The following SNX13 variants were observed in gnomAD, a reference collection of about 807,000 sequenced individuals.
SNX13 encodes the protein sorting nexin 13.
In SNX13, 45 loss-of-function variants were observed where a neutral mutation model predicts 133.6. That is an observed-to-expected ratio of 0.34 (90% confidence interval 0.27 to 0.43). SNX13 has a LOEUF of 0.43. Among genes scored for constraint, SNX13 ranks in the 20% least tolerant of loss-of-function variants. SNX13 has a pLI of 1.00. For synonymous variants in SNX13, 414 were observed against 373.9 expected (o/e 1.11, Z -1.24); for missense variants, 1,032 against 1,145.1 (o/e 0.90, Z 1.43).
At chr7:17,801,234 T>C (rs1402019195) in intron 22 of SNX13, among the ~76,000 whole-genome samples, 1 of 151,188 alleles carries the variant, frequency 6.6e-6, no homozygotes, top group Non-Finnish European at 1.5e-5. Context: ...CAAAACCACA[T>C]GGAAGAACAT....
At chr7:17,935,823 T>TA (rs1801958441) in intron 1 of SNX13, among the ~76,000 whole-genome samples, 1 of 152,216 alleles carries the variant, frequency 6.6e-6, no homozygotes, top group African/African-American at 2.4e-5. Context: ...TTGCTTTGGT[T>TA]AGTAGCTCTT....
chr7:17,802,382 G>A (rs1235520034), intron 21 of SNX13, among the ~76,000 whole-genome samples: 1 of 152,048 alleles, frequency 6.6e-6, no homozygotes, highest in East Asian at 1.9e-4. Context: ...GATATAGTAT[G>A]TTAATATGTT....
intron 13 of SNX13, among the ~76,000 whole-genome samples, chr7:17,836,944 T>G (rs1467593284): frequency 6.6e-6 from 1 of 152,008 alleles, no homozygotes; most frequent in African/African-American, 2.4e-5. Context: ...ATATTTTTGC[T>G]TTTTCTGTTT....
chr7:17,877,326 T>C, intron 5 of SNX13, among the ~76,000 whole-genome samples: 1 of 152,136 alleles, frequency 6.6e-6, no homozygotes, highest in East Asian at 1.9e-4. Context: ...AGTCTCAACA[T>C]AAACCTAAAA....
At chr7:17,818,513 T>A (rs2128300427) in intron 18 of SNX13, among the ~76,000 whole-genome samples, 1 of 152,278 alleles carries the variant, frequency 6.6e-6, no homozygotes, top group Non-Finnish European at 1.5e-5. Context: ...TACTCTATAT[T>A]AACTCATCAT....
chr7:17,939,482 C>T (rs914424716), intron 1 of SNX13, among the ~76,000 whole-genome samples: 1 of 152,242 alleles, frequency 6.6e-6, no homozygotes, highest in South Asian at 2.1e-4. Flanking sequence ...TTTAGTTCTT[C>T]CCCTTAAAGT....
At chr7:17,904,663 T>C (rs1246145656) in intron 1 of SNX13, among the ~76,000 whole-genome samples, 5 of 152,202 alleles carry the variant, frequency 3.3e-5, no homozygotes, top group Non-Finnish European at 5.9e-5. Context: ...AAATACATTA[T>C]ATGGCTTAAG....
At chr7:17,936,804 A>G (rs1444709640) in intron 1 of SNX13, among the ~76,000 whole-genome samples, 1 of 151,550 alleles carries the variant, frequency 6.6e-6, no homozygotes, top group Non-Finnish European at 1.5e-5. Flanking sequence ...ATTTCGATAT[A>G]TGAAGTTTAC....
chr7:17,895,516 CAA>C (rs1246414841), intron 2 of SNX13, among the ~76,000 whole-genome samples: 5 of 152,026 alleles, frequency 3.3e-5, no homozygotes, highest in Non-Finnish European at 7.4e-5. Context: ...ATTAGAAAAA[CAA>C]GAGAGGATTC....
intron 20 of SNX13, among the ~76,000 whole-genome samples, chr7:17,812,650 T>C (rs1415953560): frequency 6.6e-6 from 1 of 152,186 alleles, no homozygotes; most frequent in African/African-American, 2.4e-5. Flanking sequence ...ACTGGGTATA[T>C]ACCCAAAGGA....
chr7:17,843,617 C>T (rs1426382440), intron 12 of SNX13, among the ~76,000 whole-genome samples: 1 of 152,024 alleles, frequency 6.6e-6, no homozygotes, highest in African/African-American at 2.4e-5. Context: ...CAGCATACAG[C>T]TTCTTCTCAG....
intron 11 of SNX13, among the ~76,000 whole-genome samples, chr7:17,848,527 T>C (rs1790816476): frequency 6.6e-6 from 1 of 152,336 alleles, no homozygotes; most frequent in East Asian, 1.9e-4. Flanking sequence ...AAGAGAGCGC[T>C]GTAACACACC....
intron 1 of SNX13, among the ~76,000 whole-genome samples, chr7:17,919,282 A>T (rs1257400216): frequency 6.6e-6 from 1 of 152,208 alleles, no homozygotes; most frequent in Non-Finnish European, 1.5e-5. Flanking sequence ...TATACACCTA[A>T]AAATCAGAAA....
At chr7:17,881,123 G>A (rs1208145200) in intron 5 of SNX13, 1 of 152,066 alleles carries the variant, frequency 6.6e-6, no homozygotes, top group Non-Finnish European at 1.5e-5. Context: ...TGCTCCTGAT[G>A]CCACATTAGT....
intron 13 of SNX13, 101 bp from the exon 14 acceptor site, chr7:17,834,966 G>T: frequency 1.4e-6 from 1 of 692,396 alleles, no homozygotes; most frequent in Non-Finnish European, 2.3e-6. Context: ...AAAATAACTG[G>T]CAGGTAAGAA....
chr7:17,936,033 C>T (rs1801982627), intron 1 of SNX13, among the ~76,000 whole-genome samples: 1 of 152,156 alleles, frequency 6.6e-6, no homozygotes, highest in Non-Finnish European at 1.5e-5. Flanking sequence ...CCTGGATGTT[C>T]AGGGAGCCTT....
intron 1 of SNX13, among the ~76,000 whole-genome samples, chr7:17,915,501 C>G (rs1236685178): frequency 6.6e-6 from 1 of 152,194 alleles, no homozygotes; most frequent in Non-Finnish European, 1.5e-5. Context: ...CAGGGTCTCT[C>G]TCCCCCATAT....
chr7:17,920,282 C>T (rs538916497), intron 1 of SNX13, among the ~76,000 whole-genome samples: 3 of 152,246 alleles, frequency 2.0e-5, no homozygotes, highest in Non-Finnish European at 4.4e-5. Context: ...TTTCACTTAG[C>T]AATTTTCTTA....
chr7:17,854,474 A>G (rs764693691), intron 9 of SNX13, among the ~76,000 whole-genome samples: 9 of 152,218 alleles, frequency 5.9e-5, no homozygotes, highest in Non-Finnish European at 1.3e-4. Context: ...TGTTTTTTTT[A>G]ACAAACTGAA....
Sources: gnomAD v4.1 joint callset for allele counts (sites outside exome capture counted in the v4.1 genomes callset) on GRCh38, gnomAD v4.1.1 for gene constraint, MANE v1.5 for transcripts, NCBI Gene and HGNC (gene_info 2026-07-23, HGNC 2026-07-21) for gene names.